Variants in KIRREL3 observed in about 807,000 individuals in gnomAD.
KIRREL3 encodes kin of IRRE-like protein 3.
Under a neutral mutation model 89.7 loss-of-function variants are expected in KIRREL3, and 36 were observed. That is an observed-to-expected ratio of 0.40 (90% CI 0.31 to 0.53). KIRREL3 has a LOEUF of 0.53. Ranked by LOEUF, KIRREL3 falls within the 20% of genes least tolerant of loss-of-function variation. The pLI, the probability that KIRREL3 is intolerant of heterozygous loss-of-function variation, is 0.49. For synonymous variants in KIRREL3, 445 were observed against 441.4 expected (o/e 1.01, Z -0.10); for missense variants, 864 against 1,056.6 (o/e 0.82, Z 2.53).
chr11:126,923,137 CT>C (rs1473779128), intron 1 of KIRREL3, among the ~76,000 whole-genome samples: 1,052 of 14,362 alleles, frequency 0.073, 183 homozygotes, highest in East Asian at 0.11. Context: ...TTCTCTTCTT[CT>C]TCTTCTTCTT....
At position 126,620,950 on chromosome 11, in the gene KIRREL3, T is replaced by G. The variant is rs961642253; in HGVS notation, c.56-58038A>C. Among the ~76,000 whole-genome samples the G allele has an allele frequency of 6.6e-6, 1 of 152,220 alleles. No homozygotes were observed. The highest frequency in any genetic ancestry group is 1.5e-5 in the Non-Finnish European group (1 of 68,034). On this transcript the variant is annotated intron_variant, in intron 1 of 16. Coordinates refer to ENST00000525144, the MANE Select transcript of KIRREL3 (RefSeq NM_032531.4). The surrounding 1 kb of genome is among the most constrained non-coding windows in gnomAD (Gnocchi z 4.8). ...CTCTGGACTCATAGGTCTTTGGAAC[T>G]GACCTGTGTGCCTGACTTGCAGACT...
At chr11:127,001,852 A>G (rs960113468), upstream of KIRREL3, among the ~76,000 whole-genome samples, 4 of 152,046 alleles carry the variant, frequency 2.6e-5, no homozygotes, top group Non-Finnish European at 5.9e-5. Context: ...CTAAGGACAT[A>G]ACAAAACAAC....
rs940721694 is a variant in KIRREL3 at position 126,526,024 on chromosome 11, A to C, written c.283+514T>G. ...CCAAGCCGAACATAGTTGGAAATTT[A>C]TTTTTAATACTTCCTGTCTTTTCTT... On this transcript the variant is annotated intron_variant, in intron 3 of 16. Coordinates refer to ENST00000525144, the MANE Select transcript of KIRREL3 (RefSeq NM_032531.4). The surrounding 1 kb of genome is among the most constrained non-coding windows in gnomAD (Gnocchi z 5.7). Among the ~76,000 whole-genome samples, 1 of 152,162 alleles carries C rather than the reference A, an allele frequency of 6.6e-6. No individual in the cohort carries two copies. Among genetic ancestry groups the C allele is most frequent in the Non-Finnish European group, 1.5e-5 (1 of 68,024 alleles).
At chr11:126,672,364 G>A (rs1156466509) in intron 1 of KIRREL3, among the ~76,000 whole-genome samples, 2 of 152,140 alleles carry the variant, frequency 1.3e-5, no homozygotes, top group Non-Finnish European at 2.9e-5. Context: ...AAATAAAGTT[G>A]TTATAAATCC....
At chr11:126,671,673 T>C (rs966992755) in intron 1 of KIRREL3, among the ~76,000 whole-genome samples, 1 of 151,384 alleles carries the variant, frequency 6.6e-6, no homozygotes, top group Non-Finnish European at 1.5e-5. Flanking sequence ...AAGAAACATA[T>C]CAAAAGATGA....
At chr11:126,699,053 G>A (rs1415795766) in intron 1 of KIRREL3, among the ~76,000 whole-genome samples, 1 of 152,224 alleles carries the variant, frequency 6.6e-6, no homozygotes, top group Non-Finnish European at 1.5e-5. Flanking sequence ...GTCCTAAGTA[G>A]TTACTGGAAG....
Position 126,527,376 on chromosome 11 carries a change from G to A in KIRREL3, c.134-689C>T, listed in dbSNP as rs976955635. 7.9e-5 allele frequency among the ~76,000 whole-genome samples: 12 copies of A among 152,254 alleles called. No individual in the cohort carries two copies. Among genetic ancestry groups the A allele is most frequent in the Non-Finnish European group, 1.3e-4 (9 of 68,014 alleles). On this transcript the variant is annotated intron_variant, in intron 2 of 16. Coordinates refer to ENST00000525144, the MANE Select transcript of KIRREL3 (RefSeq NM_032531.4). The surrounding 1 kb of genome is among the most constrained non-coding windows in gnomAD (Gnocchi z 4.2). ...TATGGACACCATGCCTCCTCAAAAC[G>A]AGATGGCCAGAATCATCGAAGAGAG...
chr11:126,745,870 C>T (rs567277515), intron 1 of KIRREL3, among the ~76,000 whole-genome samples: 17 of 152,292 alleles, frequency 1.1e-4, no homozygotes, highest in South Asian at 4.1e-4. Flanking sequence ...TGGTGTTGGG[C>T]GTTTATCAAT....
At chr11:126,675,091 G>T (rs1364084213) in intron 1 of KIRREL3, among the ~76,000 whole-genome samples, 1 of 152,190 alleles carries the variant, frequency 6.6e-6, no homozygotes, top group East Asian at 1.9e-4. Flanking sequence ...CCCACTCTTA[G>T]GGCCTCTTCG....
intron 1 of KIRREL3, among the ~76,000 whole-genome samples, chr11:126,741,908 AG>A (rs931500738): frequency 1.3e-5 from 2 of 152,228 alleles, no homozygotes; most frequent in Non-Finnish European, 2.9e-5. Flanking sequence ...GCTAGGTGAG[AG>A]GGGGAGAGTG....
rs1176629413 is a variant in KIRREL3, at chr11:126,531,976, C to A, written c.134-5289G>T. Among the ~76,000 whole-genome samples, 2 of 152,178 alleles carry A rather than the reference C, an allele frequency of 1.3e-5. No homozygotes were observed. The highest frequency in any genetic ancestry group is 6.5e-5 in the Admixed American group (1 of 15,276). ...AACTACTAACCCGGCAGATACTGTT[C>A]AGAGCACACCACACAGGAGAAAGGT... On this transcript the variant is annotated intron_variant, in intron 2 of 16. Coordinates refer to ENST00000525144, the MANE Select transcript of KIRREL3 (RefSeq NM_032531.4). The surrounding 1 kb of genome is among the most constrained non-coding windows in gnomAD (Gnocchi z 4.7).
chr11:126,964,443 T>C (rs1317011300), intron 1 of KIRREL3, among the ~76,000 whole-genome samples: 4 of 152,178 alleles, frequency 2.6e-5, no homozygotes, highest in Non-Finnish European at 5.9e-5. Flanking sequence ...TAGTAGGAGT[T>C]TGCCTAGTCT....
At chr11:126,547,473 C>T (rs534996298) in intron 2 of KIRREL3, among the ~76,000 whole-genome samples, 28 of 152,334 alleles carry the variant, frequency 1.8e-4, no homozygotes, top group South Asian at 1.4e-3. Context: ...CCTCCTCCCC[C>T]GTGTGTTTGG....
chr11:126,562,946 T>C lies in KIRREL3; in HGVS notation c.56-34A>G, dbSNP rs2134588160. The stretch of plus-strand genomic sequence containing the variant: ...GAAGCATAGGTGGGTGAGTTGGGAA[T>C]GGGAACAGGTCAGGCATTGTTGGGG... On this transcript the variant is annotated intron_variant, in intron 1 of 16. Transcript: ENST00000525144. The surrounding 1 kb of genome is among the most constrained non-coding windows in gnomAD (Gnocchi z 4.7). 3 of 1,568,296 alleles carry C rather than the reference T, an allele frequency of 1.9e-6. No homozygotes were observed. The highest frequency in any genetic ancestry group is 1.1e-5 in the South Asian group (1 of 89,722).
chr11:126,648,768 T>TA (rs11404838), intron 1 of KIRREL3, among the ~76,000 whole-genome samples: 109,844 of 152,058 alleles, frequency 0.72, 39,932 homozygotes, highest in East Asian at 0.81. Flanking sequence ...GAACTATATC[T>TA]AAAATAAATA....
intron 7 of KIRREL3, among the ~76,000 whole-genome samples, chr11:126,451,379 TGTGC>T (rs1956142852): frequency 1.3e-5 from 2 of 148,732 alleles, no homozygotes; most frequent in Non-Finnish European, 3.0e-5. Context: ...TGTGTGAGCG[TGTGC>T]ATGTGTGAAC....
Position 126,551,607 on chromosome 11 carries a change from T to C in KIRREL3, c.133+11228A>G, listed in dbSNP as rs190245783. ...ATTTAACAATTAGTCCAGTGCACTG[T>C]ATTGCATGAATGTCTCCCAGGGTGA... On this transcript the variant is annotated intron_variant, in intron 2 of 16. Transcript: ENST00000525144. The surrounding 1 kb of genome is among the most constrained non-coding windows in gnomAD (Gnocchi z 4.9). Among the ~76,000 whole-genome samples, 4 of 151,868 alleles carry C rather than the reference T, an allele frequency of 2.6e-5. No individual in the cohort carries two copies. Among genetic ancestry groups the C allele is most frequent in the Admixed American group, 2.0e-4 (3 of 15,274 alleles).
chr11:126,832,832 AAC>A (rs1299800620), intron 1 of KIRREL3, among the ~76,000 whole-genome samples: 1 of 152,198 alleles, frequency 6.6e-6, no homozygotes, highest in Non-Finnish European at 1.5e-5. Flanking sequence ...TCAAGGATCT[AAC>A]AGTGTTTGTT....
chr11:126,858,113 G>A (rs1944590071), intron 1 of KIRREL3, among the ~76,000 whole-genome samples: 1 of 152,190 alleles, frequency 6.6e-6, no homozygotes, highest in Non-Finnish European at 1.5e-5. Context: ...ATGTGACTGT[G>A]GGCTCATGCT....
Sources: allele counts gnomAD v4.1 joint callset (sites outside exome capture counted in the v4.1 genomes callset), GRCh38; gene constraint gnomAD v4.1.1; non-coding constraint Gnocchi (gnomAD v3.1); transcripts MANE v1.5; gene names NCBI Gene and HGNC (gene_info 2026-07-23, HGNC 2026-07-21).